CAMKK1: variants seen among roughly 807,000 people sequenced by gnomAD.
CAMKK1 encodes the protein calcium/calmodulin dependent protein kinase kinase 1.
A neutral mutation model predicts 63.5 loss-of-function variants in CAMKK1; 20 were observed. The ratio of observed to expected loss-of-function variants is 0.32; its 90% CI spans 0.22 to 0.46. The LOEUF is 0.46. Among genes scored for constraint, CAMKK1 ranks in the 20% least tolerant of loss-of-function variants. The pLI is 1.00. For synonymous variants in CAMKK1, 253 were observed against 269.0 expected, an observed-to-expected ratio of 0.94 and a Z score of 0.58; for missense variants, 588 against 658.1, an observed-to-expected ratio of 0.89 and a Z score of 1.17.
At chr17:3,873,528 C>A (rs1043678776) in intron 10 of CAMKK1, 66 bp from the exon 11 acceptor site, 2 of 1,527,800 alleles carry the variant, frequency 1.3e-6, no homozygotes, top group Non-Finnish European at 1.8e-6. Context: ...CCAGCTCCAG[C>A]GGGCTGCAGG....
At chr17:3,865,818 C>T in intron 15 of CAMKK1, 90 bp downstream of exon 15, 1 of 1,575,376 alleles carries the variant, frequency 6.3e-7, no homozygotes, top group Non-Finnish European at 8.6e-7. Flanking sequence ...TGGCCTTGGC[C>T]CAACGACAGT....
rs1250019178 is a variant in CAMKK1, at chr17:3,868,228, C to T, written c.1341+1259G>A. On this transcript the variant is annotated intron_variant, in intron 14 of 15. Transcript: ENST00000348335. ...ACGTGGGCTCTGGGGGAGAAGCAGG[C>T]GCCGTCTAACTGATACGTGGGCTCT... Among the ~76,000 whole-genome samples, 4 of 44,802 alleles carry T rather than the reference C, an allele frequency of 8.9e-5. No individual in the cohort carries two copies. In the East Asian group the frequency reaches 3.3e-3, roughly 37 times the overall value. The allele number at this position is 44,802 out of a possible 152,430, so 29.4% of individuals were successfully genotyped here.
Position 3,871,764 on chromosome 17 carries a change from G to A in CAMKK1, c.1124+790C>T, listed in dbSNP as rs183495750. On this transcript the variant is annotated intron_variant, in intron 12 of 15. Transcript: ENST00000348335. Reference sequence around the variant, plus strand: ...GGGTTCAAGCAATTCTCGTGCTTCAGCCTCCCGAGTAGCTGGGACTACAGA... The same window carrying A: ...GGGTTCAAGCAATTCTCGTGCTTCAACCTCCCGAGTAGCTGGGACTACAGA... Among the ~76,000 whole-genome samples, 677 of 150,836 alleles carry A rather than the reference G, an allele frequency of 4.5e-3. 8 individuals are homozygous for A. The highest frequency in any genetic ancestry group is 6.9e-3 in the Non-Finnish European group (470 of 67,846).
intron 9 of CAMKK1, among the ~76,000 whole-genome samples, chr17:3,876,757 G>GTT (rs59503016): frequency 1.4e-3 from 139 of 101,334 alleles, no homozygotes; most frequent in Non-Finnish European, 1.9e-3. Flanking sequence ...TTTTTTTTTG[G>GTT]TTTTTTTTTT....
intron 10 of CAMKK1, among the ~76,000 whole-genome samples, chr17:3,875,337 C>A (rs1353936434): frequency 6.6e-6 from 1 of 152,154 alleles, no homozygotes; most frequent in Non-Finnish European, 1.5e-5. Context: ...GTCACTCAGG[C>A]TAGACACCAT....
At chr17:3,873,601 T>G in intron 10 of CAMKK1, 139 bp from the exon 11 acceptor site, 16 of 813,782 alleles carry the variant, frequency 2.0e-5, no homozygotes, top group Non-Finnish European at 3.2e-5. Context: ...TCCGCGGTAC[T>G]TGCCCGATGC....
Position 3,892,216 on chromosome 17 carries a change from G to C in CAMKK1, c.-44+723C>G, listed in dbSNP as rs1306183409. Among the ~76,000 whole-genome samples, 2 of 151,748 alleles carry C rather than the reference G, an allele frequency of 1.3e-5. No individual in the cohort carries two copies. Among genetic ancestry groups the C allele is most frequent in the Non-Finnish European group, 2.9e-5 (2 of 67,926 alleles). On this transcript the variant is annotated intron_variant, in intron 1 of 15. Transcript: ENST00000348335. This position sits in a 1 kb window ranked among gnomAD's most constrained non-coding sequence, Gnocchi z 7.5. ...AAGACTTGAGCACACCCCCTCCCCT[G>C]ACAGGCACACGCCCGTGTCCGCGTG...
Position 3,882,278 on chromosome 17 carries a change from A to G in CAMKK1, c.685+250T>C, listed in dbSNP as rs1404986480. On this transcript the variant is annotated intron_variant, in intron 7 of 15. Transcript: ENST00000348335. This position sits in a 1 kb window ranked among gnomAD's most constrained non-coding sequence, Gnocchi z 4.3. ...CTACCTGAGCGCGCAGCCCACGTGG[A>G]TCCACTGTCTTGCTGCTCAGAGGGA... is the stretch of plus-strand genomic sequence containing the variant. The G allele has an allele frequency of 1.2e-6, 2 of 1,613,782 alleles. No homozygotes were observed. The highest frequency in any genetic ancestry group is 1.3e-5 in the African/African-American group (1 of 74,894).
rs754268376 is a variant in CAMKK1 at position 3,882,541 on chromosome 17, G to T, written c.672C>A (p.Asp224Glu). 1.3e-6 allele frequency: 2 copies of T among 1,594,880 alleles called. No homozygotes were observed. Among genetic ancestry groups the T allele is most frequent in the Admixed American group, 1.8e-5 (1 of 56,936 alleles). ...CAGGTCACTCACCCAAATAGAGGTT[G>T]TCCTCAGCTGGGTCATCCAGGACCT... ...LIEVLDDPAE[D>E]NLYLVFDLLR... The change falls in exon 7 of 16, where the codon GAC becomes GAA. Residue 224 changes from aspartate to glutamate, a missense_variant. By Grantham distance (45) the Asp-to-Glu change is conservative (BLOSUM62 2). Transcript: ENST00000348335. The surrounding 1 kb of genome is among the most constrained non-coding windows in gnomAD (Gnocchi z 4.3).
chr17:3,880,321 A>G (rs563467705), intron 9 of CAMKK1, 25 bp downstream of exon 9: 6 of 1,603,192 alleles, frequency 3.7e-6, no homozygotes, highest in Admixed American at 1.7e-5. Context: ...CCCCAGCCCC[A>G]GTGGGCAAGC....
intron 12 of CAMKK1, among the ~76,000 whole-genome samples, chr17:3,870,364 C>A (rs2054785210): frequency 6.6e-6 from 1 of 151,714 alleles, no homozygotes; most frequent in Non-Finnish European, 1.5e-5. Flanking sequence ...GCCCAAACCC[C>A]AGGGTTCTTT....
rs530489274 is a variant in CAMKK1 at position 3,879,937 on chromosome 17, G to T, written c.796+409C>A. The T allele has an allele frequency of 9.3e-4, 202 of 216,190 alleles. No homozygotes were observed. The highest frequency in any genetic ancestry group is 1.6e-3 in the Non-Finnish European group (171 of 105,448). 13.4% of individuals were successfully genotyped at this position (216,190 alleles called of 1,614,324 possible). On this transcript the variant is annotated intron_variant, in intron 9 of 15. Transcript: ENST00000348335. The surrounding 1 kb of genome is among the most constrained non-coding windows in gnomAD (Gnocchi z 4.5). ...CCTCCTGAGCTCTTATCAGACTAGG[G>T]CCCCTCACAGGTAAATCCACCCTGC...
chr17:3,865,873 G>T, intron 15 of CAMKK1, 35 bp downstream of exon 15: 1 of 1,613,114 alleles, frequency 6.2e-7, no homozygotes, highest in Non-Finnish European at 8.5e-7. Flanking sequence ...CAACTCCAGG[G>T]AGTGCCCGGC....
In CAMKK1 at chr17:3,887,107, C is replaced by T. The variant is rs1480289768; in HGVS notation, c.-43-1377G>A. Among the ~76,000 whole-genome samples the T allele has an allele frequency of 3.3e-5, 5 of 152,166 alleles. No homozygotes were observed. The highest frequency in any genetic ancestry group is 5.9e-5 in the Non-Finnish European group (4 of 68,026). ...GCGAGGCAGGGCTGGCTGGAGTCCA[C>T]CGGCCACTGAGGAGCCAGGACTGGG... On this transcript the variant is annotated intron_variant, in intron 1 of 15. Coordinates refer to ENST00000348335, the MANE Select transcript of CAMKK1 (RefSeq NM_032294.3). This position sits in a 1 kb window ranked among gnomAD's most constrained non-coding sequence, Gnocchi z 6.1.
At chr17:3,871,558 G>A (rs144056959) in intron 12 of CAMKK1, among the ~76,000 whole-genome samples, 26,872 of 147,156 alleles carry the variant, frequency 0.18, 4,689 homozygotes, top group African/African-American at 0.45. Flanking sequence ...GGGTTTCACC[G>A]TGTTAGCCAG....
At chr17:3,891,648 A>G (rs1281569205) in intron 1 of CAMKK1, among the ~76,000 whole-genome samples, 1 of 152,170 alleles carries the variant, frequency 6.6e-6, no homozygotes, top group Non-Finnish European at 1.5e-5. Flanking sequence ...TTACATCTGG[A>G]GAGAAAGCCC....
rs377123035 is a variant in CAMKK1, at chr17:3,876,243, C to T, written c.976G>A (p.Gly326Ser). Residue 326 changes from glycine (G) to serine (S), a missense_variant, in exon 10 of 16, where the codon GGC becomes AGC. Transcript: ENST00000348335. The part of the protein sequence containing the change: ...FMAPEAISDS[G>S]QSFSGKALDV... Reference sequence around the variant, plus strand: ...GTCACCTTCCCACTGAAGCTCTGGCCGGAATCAGAAATGGCCTCGGGGGCC... The same window carrying T: ...GTCACCTTCCCACTGAAGCTCTGGCTGGAATCAGAAATGGCCTCGGGGGCC... 49 of 1,614,026 alleles carry T rather than the reference C, an allele frequency of 3.0e-5. No individual in the cohort carries two copies. The highest frequency in any genetic ancestry group is 3.6e-5 in the Non-Finnish European group (43 of 1,180,036).
Position 3,876,458 on chromosome 17 carries a change from T to G in CAMKK1, c.797-36A>C, listed in dbSNP as rs764163624. On this transcript the variant is annotated intron_variant, in intron 9 of 15. Transcript: ENST00000348335. The stretch of plus-strand genomic sequence containing the variant: ...GGGGAGCTTGAGCTGAGCGCTGGCC[T>G]GGGCACCGCTGGCCAGGACCCCACA... 26 of 1,568,630 alleles carry G rather than the reference T, an allele frequency of 1.7e-5. No homozygotes were observed. In the South Asian group the frequency reaches 2.8e-4, roughly 17 times the overall value.
intron 11 of CAMKK1, 58 bp from the exon 12 acceptor site, chr17:3,872,685 G>A (rs141858588): frequency 6.8e-6 from 10 of 1,472,130 alleles, no homozygotes; most frequent in African/African-American, 2.7e-5. Flanking sequence ...CTGTGCCAGG[G>A]GATCAACCCC....
Sources: gnomAD v4.1 joint callset for allele counts (sites outside exome capture counted in the v4.1 genomes callset) on GRCh38, gnomAD v4.1.1 for gene constraint, Gnocchi (gnomAD v3.1) non-coding constraint, MANE v1.5 for transcripts, NCBI Gene and HGNC (gene_info 2026-07-23, HGNC 2026-07-21) for gene names.